Variants in USP14 observed in about 807,000 individuals in gnomAD.
USP14 encodes the protein ubiquitin carboxyl-terminal hydrolase 14.
A neutral mutation model predicts 76.5 loss-of-function variants in USP14; 38 were observed. The observed-to-expected ratio is 0.50, with a 90% confidence interval of 0.38 to 0.65. The LOEUF is 0.65. Ranked by LOEUF, USP14 falls within the 30% of genes least tolerant of loss-of-function variation. The probability of loss-of-function intolerance (pLI) is 0.00; values close to 1 mark genes in which losing one functional copy is unlikely to be tolerated. For missense variants in USP14, 467 were observed against 586.5 expected (o/e 0.80, Z 2.10); for synonymous variants, 192 against 191.7 (o/e 1.00, Z -0.01).
At chr18:204,239 AT>A (rs1354588008) in intron 12 of USP14, among the ~76,000 whole-genome samples, 1 of 151,116 alleles carries the variant, frequency 6.6e-6, no homozygotes, top group African/African-American at 2.4e-5. Flanking sequence ...GAGGTCCATT[AT>A]TTTCACAGCA....
chr18:180,512 A>G (rs1909757692), intron 5 of USP14, among the ~76,000 whole-genome samples, 173 bp downstream of exon 5: 1 of 152,168 alleles, frequency 6.6e-6, no homozygotes, highest in Admixed American at 6.5e-5. Context: ...AACCATCACC[A>G]CCATCGATTT....
At chr18:209,637 C>A (rs1457297030) in intron 13 of USP14, among the ~76,000 whole-genome samples, 1 of 152,134 alleles carries the variant, frequency 6.6e-6, no homozygotes, top group African/African-American at 2.4e-5. Flanking sequence ...TTTGGTAACA[C>A]TGGGGAATTG....
At chr18:179,738 C>T (rs942980956) in intron 4 of USP14, among the ~76,000 whole-genome samples, 2 of 150,680 alleles carry the variant, frequency 1.3e-5, no homozygotes, top group African/African-American at 4.9e-5. Flanking sequence ...TAGGCGTGCA[C>T]CATCATGCCC....
At chr18:176,448 T>C (rs1487740104) in intron 3 of USP14, among the ~76,000 whole-genome samples, 2 of 152,176 alleles carry the variant, frequency 1.3e-5, no homozygotes, top group Non-Finnish European at 2.9e-5. Flanking sequence ...CCACCACACA[T>C]GGCTTGGTTT....
chr18:169,895 A>C (rs148752127), intron 3 of USP14, among the ~76,000 whole-genome samples: 7 of 152,096 alleles, frequency 4.6e-5, no homozygotes, highest in African/African-American at 1.7e-4. Context: ...TAAGATGGCA[A>C]ACTTAATCGA....
At chr18:188,669 G>GTATTATATTT (rs1245560819) in intron 5 of USP14, among the ~76,000 whole-genome samples, 2 of 151,378 alleles carry the variant, frequency 1.3e-5, no homozygotes, top group Non-Finnish European at 2.9e-5. Flanking sequence ...CTTTTTTGGG[G>GTATTATATTT]TATTTTATTT....
intron 5 of USP14, among the ~76,000 whole-genome samples, chr18:190,803 A>G (rs1211583871): frequency 2.0e-5 from 3 of 152,112 alleles, no homozygotes; most frequent in African/African-American, 7.2e-5. Flanking sequence ...ACCTCTCAGT[A>G]TTTCTGTCAG....
Position 196,629 on chromosome 18 carries a change from T to A in USP14, c.464-8T>A. 6.2e-7 allele frequency: 1 copy of A among 1,610,940 alleles called. No individual in the cohort carries two copies. The highest frequency in any genetic ancestry group is 8.5e-7 in the Non-Finnish European group (1 of 1,178,984). ...TTTTACTAAGGCAATGTTTGCTTTGTCTTTAAGCCCTTAGAGATTTGTTTG... is the reference window on the plus strand; with the variant it reads ...TTTTACTAAGGCAATGTTTGCTTTGACTTTAAGCCCTTAGAGATTTGTTTG... On this transcript the variant is annotated splice_polypyrimidine_tract_variant and splice_region_variant and intron_variant, in intron 6 of 15. Transcript: ENST00000261601.
intron 13 of USP14, 84 bp downstream of exon 13, chr18:204,776 C>G: frequency 6.7e-7 from 1 of 1,502,904 alleles, no homozygotes; most frequent in Non-Finnish European, 9.0e-7. Flanking sequence ...TTTTTTCCTG[C>G]TTCATTTTTC....
intron 1 of USP14, chr18:159,169 G>A (rs1909044543): frequency 6.0e-6 from 1 of 165,684 alleles, no homozygotes; most frequent in Non-Finnish European, 1.3e-5. Flanking sequence ...GCCCTTCGTC[G>A]TCCTTCGCCC....
rs886286867 is a variant in USP14 at position 199,339 on chromosome 18, C to G, written c.876+23C>G. ...TTGGTAAGGACAATCTCAGTCCATC[C>G]TTGTTGTTTGTGAATTCCATGTTTG... On this transcript the variant is annotated intron_variant, in intron 10 of 15. Coordinates refer to ENST00000261601, the MANE Select transcript of USP14 (RefSeq NM_005151.4). 2.0e-6 allele frequency: 3 copies of G among 1,534,758 alleles called. No homozygotes were observed. In the African/African-American group the frequency reaches 4.1e-5, roughly 21 times the overall value.
chr18:210,393 C>T lies in USP14; in HGVS notation c.1233C>T (p.Gly411=). Residue 411 remains glycine, a synonymous_variant, in exon 15 of 16, where the codon GGC becomes GGT. Transcript: ENST00000261601. Reference sequence around the variant, plus strand: ...ATTTACATCTTTCTTTAGATATTGGCTCCAATAATTGTGGATACTATGACT... The same window carrying T: ...ATTTACATCTTTCTTTAGATATTGGTTCCAATAATTGTGGATACTATGACT... ...YEPFSFADDI[G]SNNCGYYDLQ... is the part of the protein sequence containing the mutation. The T allele has an allele frequency of 1.3e-6, 2 of 1,598,460 alleles. No homozygotes were observed. Among genetic ancestry groups the T allele is most frequent in the Admixed American group, 1.7e-5 (1 of 57,418 alleles).
chr18:200,004 T>C (rs560783506), intron 10 of USP14, among the ~76,000 whole-genome samples: 1 of 152,326 alleles, frequency 6.6e-6, no homozygotes, highest in Non-Finnish European at 1.5e-5. Flanking sequence ...AAAAGCATTA[T>C]TGACATGGTT....
chr18:206,324 A>G (rs1245005920), intron 13 of USP14, among the ~76,000 whole-genome samples: 1 of 152,114 alleles, frequency 6.6e-6, no homozygotes, highest in Non-Finnish European at 1.5e-5. Flanking sequence ...GCATGTCTTC[A>G]TGTGTTTATT....
intron 12 of USP14, 146 bp downstream of exon 12, chr18:203,336 C>T: frequency 1.3e-6 from 1 of 747,172 alleles, no homozygotes; most frequent in South Asian, 2.0e-5. Context: ...TGATTCTTAA[C>T]TCAGAACGTA....
In USP14 at chr18:180,284, A is replaced by G; in HGVS notation, c.349A>G (p.Asn117Asp). The G allele has an allele frequency of 6.3e-7, 1 of 1,583,810 alleles. No individual in the cohort carries two copies. Among genetic ancestry groups the G allele is most frequent in the Middle Eastern group, 1.7e-4 (1 of 6,000 alleles). ...AAACCTTGGTAACACTTGTTACATGAATGCCACAGTTCAGTGTATTCGTTC... is the reference window on the plus strand; with the variant it reads ...AAACCTTGGTAACACTTGTTACATGGATGCCACAGTTCAGTGTATTCGTTC... ...LTNLGNTCYM[N>D]ATVQCIRSVP... is the part of the protein sequence containing the mutation. Residue 117 changes from asparagine (N) to aspartate (D), a missense_variant, in exon 5 of 16, where the codon AAT becomes GAT. Physicochemically the swap from Asn to Asp is conservative, Grantham distance 23 (BLOSUM62 1). Coordinates refer to ENST00000261601, the MANE Select transcript of USP14 (RefSeq NM_005151.4).
rs1439025874 is a variant in USP14 at position 213,276 on chromosome 18, T to A, written c.*1992T>A. The A allele has an allele frequency of 6.6e-6, 1 of 152,204 alleles. No homozygotes were observed. The highest frequency in any genetic ancestry group is 1.5e-5 in the Non-Finnish European group (1 of 68,038). 9.4% of individuals were successfully genotyped at this position (152,204 alleles called of 1,614,324 possible). A position where few individuals can be genotyped will look rare whatever the true frequency, so the allele number is the denominator to read the frequency against. ...GTTGTAGCTACTAGACCAGGTGAGC[T>A]AGGTTTAGAGCAAAGTATATAAGCC... On this transcript the variant is annotated 3_prime_UTR_variant, in exon 16 of 16. Coordinates refer to ENST00000261601, the MANE Select transcript of USP14 (RefSeq NM_005151.4).
At chr18:170,184 A>T (rs1367950285) in intron 3 of USP14, among the ~76,000 whole-genome samples, 2 of 152,092 alleles carry the variant, frequency 1.3e-5, no homozygotes, top group African/African-American at 4.8e-5. Flanking sequence ...CATGCCTGTA[A>T]TCCCAGCTAT....
rs1048272807 is a variant in USP14 at position 214,258 on chromosome 18, G to A, written c.*2974G>A. On this transcript the variant is annotated 3_prime_UTR_variant, in exon 16 of 16. Coordinates refer to ENST00000261601, the MANE Select transcript of USP14 (RefSeq NM_005151.4). ...CAGAGCAGTCATATGGTTTCAGAAA[G>A]TGTTATTCTGGGATTTCAGGATAAA... The A allele has an allele frequency of 5.1e-6, 1 of 195,168 alleles. No individual in the cohort carries two copies. The highest frequency in any genetic ancestry group is 1.1e-5 in the Non-Finnish European group (1 of 94,990). The allele number at this position is 195,168 out of a possible 1,614,324, so 12.1% of individuals were successfully genotyped here.
Sources: gnomAD v4.1 joint callset for allele counts (sites outside exome capture counted in the v4.1 genomes callset) on GRCh38, gnomAD v4.1.1 for gene constraint, MANE v1.5 for transcripts, NCBI Gene and HGNC (gene_info 2026-07-23, HGNC 2026-07-21) for gene names.